Variants in NRG1 observed in about 807,000 individuals in gnomAD.
The protein encoded by NRG1 is neuregulin 1.
NRG1 carries 18 observed loss-of-function variants against 63.8 expected under a neutral mutation model. The observed-to-expected ratio is 0.28, with a 90% CI of 0.19 to 0.42. The LOEUF (loss-of-function observed/expected upper bound fraction) is 0.42. Ranked by LOEUF, NRG1 falls within the 10% of genes least tolerant of loss-of-function variation. The pLI, the probability that NRG1 is intolerant of heterozygous loss-of-function variation, is 1.00. For synonymous variants in NRG1, 302 were observed against 301.3 expected, an observed-to-expected ratio of 1.00 and a Z score of -0.02; for missense variants, 762 against 814.7, an observed-to-expected ratio of 0.94 and a Z score of 0.79.
chr8:31,798,568 C>T (rs1276550976), intron 1 of NRG1, among the ~76,000 whole-genome samples: 1 of 152,076 alleles, frequency 6.6e-6, no homozygotes, highest in Non-Finnish European at 1.5e-5. Context: ...AATTTCTTTC[C>T]TCCATTTGCT....
At chr8:31,957,326 A>C (rs1218512602) in intron 1 of NRG1, among the ~76,000 whole-genome samples, 1 of 152,114 alleles carries the variant, frequency 6.6e-6, no homozygotes. Context: ...AGTTACCTGT[A>C]CATGCCACAT....
chr8:31,697,502 C>T (rs187148892), intron 1 of NRG1, among the ~76,000 whole-genome samples: 1 of 152,278 alleles, frequency 6.6e-6, no homozygotes, highest in African/African-American at 2.4e-5. Flanking sequence ...GCCATCTATC[C>T]ACCAACTCCC....
chr8:32,108,872 C>G (rs760430290), intron 1 of NRG1, among the ~76,000 whole-genome samples: 3 of 152,084 alleles, frequency 2.0e-5, no homozygotes, highest in Non-Finnish European at 4.4e-5. Context: ...CTCTGTGCAA[C>G]CTGTTTCAGA....
At chr8:31,849,928 T>A (rs1479491047) in intron 1 of NRG1, among the ~76,000 whole-genome samples, 1 of 152,134 alleles carries the variant, frequency 6.6e-6, no homozygotes, top group South Asian at 2.1e-4. Flanking sequence ...TATAAAAAGG[T>A]GAGAAAGTAA....
chr8:32,409,148 TG>T (rs1814527957), intron 1 of NRG1, among the ~76,000 whole-genome samples: 1 of 152,186 alleles, frequency 6.6e-6, no homozygotes. Context: ...ATTGATTGAA[TG>T]GTGTCCTTTG....
At chr8:32,338,870 C>T (rs907365406) in intron 1 of NRG1, among the ~76,000 whole-genome samples, 7 of 152,084 alleles carry the variant, frequency 4.6e-5, no homozygotes, top group Admixed American at 6.6e-5. Context: ...AAGCATCTCA[C>T]ATCAGTTGTT....
chr8:32,123,770 T>C (rs1343555208), intron 1 of NRG1, among the ~76,000 whole-genome samples: 1 of 151,576 alleles, frequency 6.6e-6, no homozygotes, highest in Non-Finnish European at 1.5e-5. Context: ...AATTTTATTC[T>C]TTTTGGTCTC....
chr8:32,092,461 CA>C lies in NRG1; in HGVS notation c.37+453048del, dbSNP rs71208167. Among the ~76,000 whole-genome samples, 382 of 83,690 alleles carry C rather than the reference CA, an allele frequency of 4.6e-3. 1 individual carries two copies. Among genetic ancestry groups the C allele is most frequent in the African/African-American group, 0.012 (253 of 20,310 alleles). 54.9% of individuals were successfully genotyped at this position (83,690 alleles called of 152,430 possible). On this transcript the variant is annotated intron_variant, in intron 1 of 10. Coordinates refer to the NRG1 transcript ENST00000519301. ...TGGGTGACAGAGCAAGACCCTGTCT[CA>C]AAAAAAAAAAAAAAAAAGAAAAAGA...
At chr8:31,848,107 A>T (rs1053360793) in intron 1 of NRG1, among the ~76,000 whole-genome samples, 4 of 152,176 alleles carry the variant, frequency 2.6e-5, no homozygotes, top group African/African-American at 9.6e-5. Context: ...ATAAATTTTA[A>T]TGGGGGAAGG....
intron 1 of NRG1, among the ~76,000 whole-genome samples, chr8:31,874,696 G>T (rs1357856447): frequency 6.6e-6 from 1 of 152,054 alleles, no homozygotes; most frequent in Non-Finnish European, 1.5e-5. Context: ...GGTCTTATTT[G>T]TTCTTTATAG....
chr8:31,912,934 A>G (rs1319496722), intron 1 of NRG1, among the ~76,000 whole-genome samples: 3 of 152,172 alleles, frequency 2.0e-5, no homozygotes, highest in African/African-American at 7.2e-5. Context: ...CCTTTGTGCC[A>G]TTGTGCTGTT....
chr8:31,722,354 C>G (rs1176993537), intron 1 of NRG1, among the ~76,000 whole-genome samples: 3 of 152,062 alleles, frequency 2.0e-5, no homozygotes, highest in South Asian at 4.1e-4. Flanking sequence ...TCCCCAGTGT[C>G]TAATGTGATG....
At chr8:32,400,176 G>A (rs983281556) in intron 1 of NRG1, among the ~76,000 whole-genome samples, 8 of 152,130 alleles carry the variant, frequency 5.3e-5, no homozygotes, top group Non-Finnish European at 1.0e-4. Flanking sequence ...CTGTAGTATC[G>A]CTTCAAATAT....
In NRG1 at chr8:32,335,917, C is replaced by A. The variant is rs1381796101; in HGVS notation, c.38-259911C>A. Among the ~76,000 whole-genome samples, 3 of 152,074 alleles carry A rather than the reference C, an allele frequency of 2.0e-5. 1 individual carries two copies. Among genetic ancestry groups the A allele is most frequent in the Admixed American group, 1.3e-4 (2 of 15,266 alleles). ...AACTACAAAGCCAGGAAGACATGGA[C>A]AATGCTAACATCCTCCCTTTGTCCA... is the stretch of plus-strand genomic sequence containing the variant. On this transcript the variant is annotated intron_variant, in intron 1 of 10. Transcript: ENST00000519301.
At chr8:32,726,922 T>C (rs1311177464) in intron 5 of NRG1, among the ~76,000 whole-genome samples, 4 of 152,124 alleles carry the variant, frequency 2.6e-5, no homozygotes. Flanking sequence ...GATGGATTTT[T>C]TTTTTTTTCC....
At chr8:32,529,234 C>G (rs1043088316) in intron 1 of NRG1, among the ~76,000 whole-genome samples, 2 of 152,050 alleles carry the variant, frequency 1.3e-5, no homozygotes, top group Admixed American at 1.3e-4. Flanking sequence ...AGAAAAGGTA[C>G]AGAAAAATGC....
chr8:32,444,308 G>A (rs1819958384), intron 1 of NRG1, among the ~76,000 whole-genome samples: 2 of 151,698 alleles, frequency 1.3e-5, no homozygotes, highest in East Asian at 3.9e-4. Context: ...GTTTGGGGTG[G>A]TTTTGTTTGT....
intron 1 of NRG1, among the ~76,000 whole-genome samples, chr8:32,505,547 G>C (rs1828409317): frequency 6.6e-6 from 1 of 152,194 alleles, no homozygotes; most frequent in South Asian, 2.1e-4. Flanking sequence ...CGGGGACCAA[G>C]AGTTGTCCCC....
At chr8:31,651,468 A>G (rs73586373) in intron 1 of NRG1, among the ~76,000 whole-genome samples, 3,704 of 152,264 alleles carry the variant, frequency 0.024, 156 homozygotes, top group African/African-American at 0.084. Flanking sequence ...AATAATTAGC[A>G]CTGTTGCTGA....
Sources: allele counts gnomAD v4.1 joint callset (sites outside exome capture counted in the v4.1 genomes callset), GRCh38; gene constraint gnomAD v4.1.1; transcripts MANE v1.5; gene names NCBI Gene and HGNC (gene_info 2026-07-23, HGNC 2026-07-21).